SLC26A8: variants seen among roughly 807,000 people sequenced by gnomAD.
SLC26A8 encodes the protein solute carrier family 26 member 8.
SLC26A8 carries 70 observed loss-of-function variants against 105.0 expected under a neutral mutation model. That is an observed-to-expected ratio of 0.67 (90% confidence interval 0.55 to 0.81). The LOEUF is 0.81. SLC26A8 is among the 40% of genes least tolerant of loss of function. SLC26A8 has a pLI of 0.00. For missense variants in SLC26A8, 998 were observed against 1,181.8 expected (o/e 0.84, Z 2.28); for synonymous variants, 415 against 438.3 (o/e 0.95, Z 0.66).
chr6:35,961,122 G>C, intron 12 of SLC26A8, 23 bp from the exon 13 acceptor site: 1 of 1,580,446 alleles, frequency 6.3e-7, no homozygotes. Flanking sequence ...GGAATGAGGG[G>C]AAAATGATCA....
chr6:36,015,393 G>A (rs1422348566), intron 2 of SLC26A8, among the ~76,000 whole-genome samples: 1 of 152,202 alleles, frequency 6.6e-6, no homozygotes, highest in Non-Finnish European at 1.5e-5. Flanking sequence ...TTACAGGCAT[G>A]AGCCACTGTG....
chr6:36,012,435 A>G (rs1761888284), intron 2 of SLC26A8, 63 bp from the exon 3 acceptor site: 1 of 1,520,658 alleles, frequency 6.6e-7, no homozygotes. Flanking sequence ...CATAGCCAAG[A>G]AAAGGCATTT....
chr6:35,995,633 G>A (rs956933234), intron 5 of SLC26A8, among the ~76,000 whole-genome samples: 6 of 151,698 alleles, frequency 4.0e-5, no homozygotes, highest in African/African-American at 1.5e-4. Context: ...AAGGACCATA[G>A]TAGTGTGCTA....
intron 3 of SLC26A8, among the ~76,000 whole-genome samples, chr6:36,003,422 T>C (rs533714811): frequency 1.6e-4 from 24 of 152,222 alleles, no homozygotes; most frequent in Non-Finnish European, 2.9e-4. Context: ...CTGTGTTAAT[T>C]GCTCTAATTA....
chr6:35,969,352 C>T (rs1168398898), intron 10 of SLC26A8: 1 of 178,034 alleles, frequency 5.6e-6, no homozygotes, highest in Non-Finnish European at 1.2e-5. Flanking sequence ...GTAATCCTAG[C>T]ACATTGGGAG....
chr6:35,975,676 G>C (rs1278987575), intron 9 of SLC26A8, among the ~76,000 whole-genome samples, 188 bp from the exon 10 acceptor site: 1 of 151,988 alleles, frequency 6.6e-6, no homozygotes, highest in Non-Finnish European at 1.5e-5. Context: ...CACTTTAGGA[G>C]GCTGAGGCTG....
chr6:36,019,815 C>T, intron 1 of SLC26A8, 106 bp from the exon 2 acceptor site: 5 of 1,020,828 alleles, frequency 4.9e-6, no homozygotes, highest in Non-Finnish European at 5.4e-6. Context: ...TTTACACTTG[C>T]ATAGCATCTT....
intron 17 of SLC26A8, 32 bp downstream of exon 17, chr6:35,955,120 A>G (rs905866255): frequency 6.2e-7 from 1 of 1,613,554 alleles, no homozygotes; most frequent in Non-Finnish European, 8.5e-7. Context: ...GAGGGGGATC[A>G]GAGCTCCTGC....
chr6:36,004,854 A>G lies in SLC26A8; in HGVS notation c.329-4746T>C, dbSNP rs183144283. On this transcript the variant is annotated intron_variant, in intron 3 of 19. Transcript: ENST00000490799. Reference sequence around the variant, plus strand: ...TTTTTTTTTTTTTTTTAGTAGAGACAAGGGTTTCACCATGTTGCCCAGTCT... The same window carrying G: ...TTTTTTTTTTTTTTTTAGTAGAGACGAGGGTTTCACCATGTTGCCCAGTCT... Among the ~76,000 whole-genome samples, 1,276 of 146,128 alleles carry G rather than the reference A, an allele frequency of 8.7e-3. 16 individuals are homozygous for G. Among genetic ancestry groups the G allele is most frequent in the African/African-American group, 0.03 (1,203 of 39,464 alleles).
chr6:35,957,606 CTT>C (rs71540136), intron 16 of SLC26A8, among the ~76,000 whole-genome samples: 10,184 of 130,184 alleles, frequency 0.078, 401 homozygotes, highest in Middle Eastern at 0.12. Flanking sequence ...TGAGAGCCAC[CTT>C]TTTTTTTTTT....
intron 3 of SLC26A8, among the ~76,000 whole-genome samples, chr6:36,001,307 T>C (rs944242014): frequency 2.3e-4 from 35 of 152,098 alleles, no homozygotes; most frequent in Non-Finnish European, 4.0e-4. Context: ...TTTTTATATT[T>C]TTAGTAGAGA....
intron 5 of SLC26A8, among the ~76,000 whole-genome samples, chr6:35,995,767 T>A (rs117228539): frequency 6.6e-6 from 1 of 152,044 alleles, no homozygotes; most frequent in Non-Finnish European, 1.5e-5. Context: ...TGCTTCAGTC[T>A]CCCAAAGTGC....
chr6:36,016,388 T>C (rs147553557), intron 2 of SLC26A8, among the ~76,000 whole-genome samples: 41 of 152,342 alleles, frequency 2.7e-4, no homozygotes, highest in Non-Finnish European at 5.0e-4. Flanking sequence ...ATATCTTTAT[T>C]TCACTAACCT....
chr6:35,986,957 T>C (rs7774786), intron 7 of SLC26A8, among the ~76,000 whole-genome samples: 142,812 of 152,280 alleles, frequency 0.94, 67,404 homozygotes, highest in East Asian at 1. Context: ...ACTCAACATA[T>C]TGATTTCATT....
chr6:36,012,972 G>A (rs1227806656), intron 2 of SLC26A8, among the ~76,000 whole-genome samples: 1 of 152,160 alleles, frequency 6.6e-6, no homozygotes. Context: ...CTCTGTGGAG[G>A]AGAGGAGAGC....
chr6:35,976,609 C>T (rs1309318083), intron 9 of SLC26A8, among the ~76,000 whole-genome samples: 3 of 144,992 alleles, frequency 2.1e-5, no homozygotes, highest in African/African-American at 7.9e-5. Context: ...GGCGCGGTCT[C>T]GGCTCGCTGC....
At chr6:36,009,730 G>C (rs1761796821) in intron 3 of SLC26A8, among the ~76,000 whole-genome samples, 1 of 152,198 alleles carries the variant, frequency 6.6e-6, no homozygotes, top group East Asian at 1.9e-4. Flanking sequence ...GCTATAGAAA[G>C]ACAACTTGAG....
intron 3 of SLC26A8, among the ~76,000 whole-genome samples, chr6:36,001,322 G>T (rs1761516283): frequency 6.6e-6 from 1 of 152,088 alleles, no homozygotes. Context: ...TAGAGATGGG[G>T]TTTCACCGTG....
chr6:35,993,515 C>T (rs967655242), intron 5 of SLC26A8, among the ~76,000 whole-genome samples: 15 of 151,464 alleles, frequency 9.9e-5, no homozygotes, highest in South Asian at 2.1e-4. Context: ...TATGCATATC[C>T]TGAAGGAAAA....
Sources: gnomAD v4.1 joint callset for allele counts (sites outside exome capture counted in the v4.1 genomes callset) on GRCh38, gnomAD v4.1.1 for gene constraint, MANE v1.5 for transcripts, NCBI Gene and HGNC (gene_info 2026-07-23, HGNC 2026-07-21) for gene names.